Variants in RHCE observed in about 807,000 individuals in gnomAD.
The protein encoded by RHCE is blood group Rh(CE) polypeptide.
Under a neutral mutation model 43.8 loss-of-function variants are expected in RHCE, and 22 were observed. The ratio of observed to expected loss-of-function variants is 0.50; its 90% confidence interval spans 0.36 to 0.72. RHCE has a LOEUF of 0.72. RHCE is among the 30% of genes least tolerant of loss of function. The probability of loss-of-function intolerance (pLI) is 0.00; values close to 1 mark genes in which losing one functional copy is unlikely to be tolerated. For synonymous variants in RHCE, 156 were observed against 210.7 expected (o/e 0.74, Z 2.25); for missense variants, 385 against 525.4 (o/e 0.73, Z 2.61).
At chr1:25,423,087 G>T (rs1182586525), upstream of RHCE, among the ~76,000 whole-genome samples, 1 of 152,110 alleles carries the variant, frequency 6.6e-6, no homozygotes, top group Admixed American at 6.5e-5. Flanking sequence ...CTAGGAACAT[G>T]GGCTTCTAAG....
At chr1:25,388,839 C>G (rs1194985256) in intron 6 of RHCE, 137 bp downstream of exon 6, 3 of 1,414,734 alleles carry the variant, frequency 2.1e-6, no homozygotes, top group Non-Finnish European at 2.9e-6. Flanking sequence ...ATGGATCCCT[C>G]GCTAGGCGTT....
chr1:25,414,163 C>T (rs1195717549), intron 1 of RHCE, among the ~76,000 whole-genome samples: 2 of 151,370 alleles, frequency 1.3e-5, no homozygotes, highest in African/African-American at 4.8e-5. Flanking sequence ...CTGCTCTCCC[C>T]CAGGCCTGTT....
chr1:25,420,908 G>T (rs2072931), upstream of RHCE: 783,629 of 1,547,690 alleles, frequency 0.51, 206,009 homozygotes, highest in Non-Finnish European at 0.55. Context: ...ATCTCAGGCT[G>T]CAAGGCTGGC....
intron 7 of RHCE, among the ~76,000 whole-genome samples, chr1:25,381,317 C>T: frequency 6.6e-6 from 1 of 152,186 alleles, no homozygotes; most frequent in East Asian, 1.9e-4. Context: ...CCTTCACCAG[C>T]CACATTTCTA....
At chr1:25,422,908 C>T (rs2042777840), upstream of RHCE, among the ~76,000 whole-genome samples, 1 of 152,138 alleles carries the variant, frequency 6.6e-6, no homozygotes, top group Admixed American at 6.5e-5. Flanking sequence ...GGTTTGTGCC[C>T]CTGTGAGAAT....
rs74426100 is a variant in RHCE, at chr1:25,402,175, C to CCTGTCTGT, written c.486+413_486+420dup. Among the ~76,000 whole-genome samples, 727 of 145,262 alleles carry CCTGTCTGT rather than the reference C, an allele frequency of 5.0e-3. 4 individuals carry two copies. Among genetic ancestry groups the CCTGTCTGT allele is most frequent in the African/African-American group, 6.2e-3 (239 of 38,732 alleles). On this transcript the variant is annotated intron_variant, in intron 3 of 9. Coordinates refer to ENST00000294413, the MANE Select transcript of RHCE (RefSeq NM_020485.8). ...TACAGGTGTGAGCCACTGTACCCAG[C>CCTGTCTGT]CTGTCTGTCTGTCTGTCTGTCTGTC...
At chr1:25,379,472 TATATATATATATATATATA>T (rs1557604905) in intron 7 of RHCE, among the ~76,000 whole-genome samples, 9 of 7,140 alleles carry the variant, frequency 1.3e-3, no homozygotes, top group African/African-American at 6.6e-3. Context: ...TATATATATA[TATATATATATATATATATA>T]TATATTTTTT....
At chr1:25,396,787 T>C (rs1490388258) in intron 3 of RHCE, among the ~76,000 whole-genome samples, 1 of 151,860 alleles carries the variant, frequency 6.6e-6, no homozygotes, top group Non-Finnish European at 1.5e-5. Flanking sequence ...CGAGATGAGA[T>C]TGGAGGGGGA....
chr1:25,417,834 C>T (rs1303925434), intron 1 of RHCE, among the ~76,000 whole-genome samples: 1 of 152,170 alleles, frequency 6.6e-6, no homozygotes. Flanking sequence ...TACTACACTA[C>T]AGCCTCCACG....
chr1:25,416,850 G>C (rs1009956074), intron 1 of RHCE, among the ~76,000 whole-genome samples: 4 of 140,898 alleles, frequency 2.8e-5, no homozygotes, highest in African/African-American at 5.3e-5. Context: ...TTCCTAGGCT[G>C]GTCTTGAACT....
At chr1:25,411,539 A>T in intron 1 of RHCE, 1 of 1,414,896 alleles carries the variant, frequency 7.1e-7, no homozygotes. Flanking sequence ...CCACCAGGAT[A>T]TAGGAGACCC....
intron 5 of RHCE, 66 bp downstream of exon 5, chr1:25,390,683 G>C: frequency 6.3e-7 from 1 of 1,580,510 alleles, no homozygotes; most frequent in South Asian, 1.1e-5. Context: ...GGGGTGGGGA[G>C]GGGCATAAAT....
chr1:25,370,636 T>C, intron 8 of RHCE, 96 bp from the exon 9 acceptor site: 1 of 1,088,148 alleles, frequency 9.2e-7, no homozygotes, highest in Non-Finnish European at 1.4e-6. Context: ...AACGACAGTG[T>C]CTCAACAGAA....
chr1:25,372,294 C>A (rs975868874), intron 8 of RHCE, among the ~76,000 whole-genome samples: 3 of 151,370 alleles, frequency 2.0e-5, no homozygotes, highest in African/African-American at 7.3e-5. Flanking sequence ...CCAAGGTGGG[C>A]GGATCACCTG....
chr1:25,369,962 C>A (rs1645557338), intron 9 of RHCE, among the ~76,000 whole-genome samples: 1 of 151,452 alleles, frequency 6.6e-6, no homozygotes, highest in Non-Finnish European at 1.5e-5. Flanking sequence ...TGGTCTCGAA[C>A]TCCTGGCCTC....
intron 3 of RHCE, among the ~76,000 whole-genome samples, chr1:25,401,862 C>A (rs892590323): frequency 6.6e-6 from 1 of 151,828 alleles, no homozygotes; most frequent in Non-Finnish European, 1.5e-5. Flanking sequence ...ATCTATCAAT[C>A]TTTTCTTTTC....
At chr1:25,405,226 T>C (rs1172258856) in intron 2 of RHCE, among the ~76,000 whole-genome samples, 1 of 151,956 alleles carries the variant, frequency 6.6e-6, no homozygotes, top group Admixed American at 6.6e-5. Context: ...GGCGTGGTGG[T>C]GTGCACCCAT....
chr1:25,384,997 C>G (rs541156166), intron 7 of RHCE, among the ~76,000 whole-genome samples: 1 of 152,328 alleles, frequency 6.6e-6, no homozygotes, highest in South Asian at 2.1e-4. Context: ...AAATCTATCC[C>G]TATATCGTGC....
intron 5 of RHCE, 66 bp downstream of exon 5, chr1:25,390,683 G>A: frequency 2.5e-6 from 4 of 1,580,510 alleles, no homozygotes; most frequent in Non-Finnish European, 3.5e-6. Context: ...GGGGTGGGGA[G>A]GGGCATAAAT....
Sources: gnomAD v4.1 joint callset for allele counts (sites outside exome capture counted in the v4.1 genomes callset) on GRCh38, gnomAD v4.1.1 for gene constraint, MANE v1.5 for transcripts, NCBI Gene and HGNC (gene_info 2026-07-23, HGNC 2026-07-21) for gene names.